USP6NL: variants seen among roughly 807,000 people sequenced by gnomAD.
USP6NL encodes USP6 N-terminal-like protein.
A neutral mutation model predicts 61.9 loss-of-function variants in USP6NL; 26 were observed. The observed-to-expected ratio is 0.42, with a 90% CI of 0.31 to 0.58. USP6NL has a LOEUF of 0.58. Among genes scored for constraint, USP6NL ranks in the 20% least tolerant of loss-of-function variants. USP6NL has a pLI of 0.16. For synonymous variants in USP6NL, 432 were observed against 390.1 expected, an observed-to-expected ratio of 1.11 and a Z score of -1.27; for missense variants, 1,114 against 1,034.3, an observed-to-expected ratio of 1.08 and a Z score of -1.06.
chr10:11,543,347 C>T lies in USP6NL; in HGVS notation c.5-15780G>A, dbSNP rs573880197. Among the ~76,000 whole-genome samples, 96 of 152,206 alleles carry T rather than the reference C, an allele frequency of 6.3e-4. No homozygotes were observed. The Middle Eastern group carries it at 0.01, about 16-fold the overall frequency. On this transcript the variant is annotated intron_variant, in intron 2 of 14. Coordinates refer to ENST00000609104, the MANE Select transcript of USP6NL (RefSeq NM_014688.5). ...ACAAGGTCAGGAGATCGAGGTCATC[C>T]TGGCTAACACGGTGAAACCCCGTCT...
At chr10:11,472,277 C>CCCT (rs1832782821) in intron 14 of USP6NL, among the ~76,000 whole-genome samples, 1 of 152,206 alleles carries the variant, frequency 6.6e-6, no homozygotes, top group Admixed American at 6.5e-5. Context: ...AAGGAAGAGT[C>CCCT]CCTCTCAGGC....
chr10:11,489,060 T>TC lies in USP6NL; in HGVS notation c.664+41dup. 6 of 1,603,622 alleles carry TC rather than the reference T, an allele frequency of 3.7e-6. No homozygotes were observed. Among genetic ancestry groups the TC allele is most frequent in the Non-Finnish European group, 5.1e-6 (6 of 1,173,706 alleles). The stretch of plus-strand genomic sequence containing the variant: ...TTGGTTTTGTTTTAATCTACTTTTT[T>TC]CCCTACCTTGATTGTTTAGATAAAG... On this transcript the variant is annotated intron_variant, in intron 10 of 14. Transcript: ENST00000609104. The surrounding 1 kb of genome is among the most constrained non-coding windows in gnomAD (Gnocchi z 5.7).
intron 14 of USP6NL, among the ~76,000 whole-genome samples, chr10:11,475,840 A>C (rs1009278614): frequency 6.6e-6 from 1 of 152,114 alleles, no homozygotes; most frequent in Non-Finnish European, 1.5e-5. Flanking sequence ...AAAAGATATG[A>C]TTATCGTCAG....
In USP6NL at chr10:11,611,312, C is replaced by T. The variant is rs1363829882; in HGVS notation, c.-84+131G>A. The T allele has an allele frequency of 6.6e-6, 1 of 151,986 alleles. No homozygotes were observed. Among genetic ancestry groups the T allele is most frequent in the East Asian group, 1.9e-4 (1 of 5,164 alleles). The allele number at this position is 151,986 out of a possible 1,614,324, so 9.4% of individuals were successfully genotyped here. A position where few individuals can be genotyped will look rare whatever the true frequency, so the allele number is the denominator to read the frequency against. On this transcript the variant is annotated intron_variant, in intron 1 of 14. Transcript: ENST00000609104. The surrounding 1 kb of genome is among the most constrained non-coding windows in gnomAD (Gnocchi z 5.3). ...CCGAGCCGCGAACCGCAGCCGCGTC[C>T]CCTCCTCCAGGGGCCGGGAATGGCG...
chr10:11,594,273 CAAGAAA>C (rs1020249527), intron 2 of USP6NL, among the ~76,000 whole-genome samples: 1 of 151,900 alleles, frequency 6.6e-6, no homozygotes, highest in African/African-American at 2.4e-5. Context: ...ATCAAATGGA[CAAGAAA>C]AAGAAATGTA....
intron 2 of USP6NL, among the ~76,000 whole-genome samples, chr10:11,569,916 T>C (rs1326227021): frequency 1.3e-5 from 2 of 152,212 alleles, no homozygotes; most frequent in East Asian, 1.9e-4. Context: ...ACACGGATTC[T>C]TCATGTTTGG....
At chr10:11,494,469 C>T (rs750718070) in intron 7 of USP6NL, among the ~76,000 whole-genome samples, 45 of 152,248 alleles carry the variant, frequency 3.0e-4, no homozygotes, top group Non-Finnish European at 5.3e-4. Context: ...GAGTTTCTCC[C>T]CGTGTGTGGC....
intron 1 of USP6NL, among the ~76,000 whole-genome samples, chr10:11,609,487 T>G (rs1282514868): frequency 1.3e-5 from 2 of 152,256 alleles, no homozygotes; most frequent in East Asian, 3.8e-4. Context: ...AGTGAAATTG[T>G]GAACATAAAC....
intron 2 of USP6NL, among the ~76,000 whole-genome samples, chr10:11,546,834 T>C (rs1471000692): frequency 2.0e-5 from 3 of 152,214 alleles, no homozygotes; most frequent in Non-Finnish European, 2.9e-5. Flanking sequence ...TTTTAAACAC[T>C]ATCAAGCAAA....
chr10:11,584,551 C>G (rs868477485), intron 2 of USP6NL, among the ~76,000 whole-genome samples: 3 of 152,160 alleles, frequency 2.0e-5, no homozygotes, highest in East Asian at 1.9e-4. Context: ...ACTCTTCCCC[C>G]CTTTCTGAAA....
chr10:11,572,424 T>G (rs1398098718), intron 2 of USP6NL, among the ~76,000 whole-genome samples: 2 of 151,876 alleles, frequency 1.3e-5, no homozygotes, highest in African/African-American at 4.8e-5. Context: ...ATGACAACAG[T>G]CTCTCTGCTT....
At chr10:11,504,234 T>A (rs1834338601) in intron 6 of USP6NL, among the ~76,000 whole-genome samples, 1 of 152,212 alleles carries the variant, frequency 6.6e-6, no homozygotes, top group Non-Finnish European at 1.5e-5. Context: ...ATATCTTTCT[T>A]CACAAATTTT....
intron 3 of USP6NL, among the ~76,000 whole-genome samples, chr10:11,526,569 T>C (rs1478551109): frequency 6.6e-6 from 1 of 152,200 alleles, no homozygotes; most frequent in African/African-American, 2.4e-5. Flanking sequence ...GTGTTTGATG[T>C]TCCAAAAATG....
Position 11,525,174 on chromosome 10 carries a change from A to G in USP6NL, c.155+212T>C, listed in dbSNP as rs1392442003. 6.6e-6 allele frequency among the ~76,000 whole-genome samples: 1 copy of G among 152,204 alleles called. No homozygotes were observed. Among genetic ancestry groups the G allele is most frequent in the Non-Finnish European group, 1.5e-5 (1 of 68,018 alleles). On this transcript the variant is annotated intron_variant, in intron 4 of 14. Transcript: ENST00000609104. The surrounding 1 kb of genome is among the most constrained non-coding windows in gnomAD (Gnocchi z 5.0). ...ACCTACTGCACTTAATGTTCTTACT[A>G]AATTGCAAAAAATATTAAAAATTAT...
intron 2 of USP6NL, among the ~76,000 whole-genome samples, chr10:11,535,453 G>A (rs1835794393): frequency 6.6e-6 from 1 of 152,192 alleles, no homozygotes; most frequent in Admixed American, 6.5e-5. Flanking sequence ...AATAGGCAAT[G>A]ATGACCAAAG....
intron 2 of USP6NL, among the ~76,000 whole-genome samples, chr10:11,565,886 G>A (rs1329464687): frequency 6.6e-6 from 1 of 151,756 alleles, no homozygotes; most frequent in African/African-American, 2.4e-5. Context: ...ACGTAGTTTT[G>A]ATATTAATAG....
chr10:11,560,131 C>T (rs192427626), intron 2 of USP6NL, among the ~76,000 whole-genome samples: 13 of 152,268 alleles, frequency 8.5e-5, no homozygotes, highest in Admixed American at 6.5e-4. Flanking sequence ...CAAAAAAGCA[C>T]GATACATTGC....
chr10:11,545,030 G>A (rs902151349), intron 2 of USP6NL, among the ~76,000 whole-genome samples: 9 of 152,174 alleles, frequency 5.9e-5, no homozygotes, highest in African/African-American at 2.2e-4. Context: ...TTAAATCTAG[G>A]TGAACAGAAA....
At chr10:11,472,419 C>G (rs1408535944) in intron 14 of USP6NL, among the ~76,000 whole-genome samples, 1 of 152,232 alleles carries the variant, frequency 6.6e-6, no homozygotes, top group Non-Finnish European at 1.5e-5. Flanking sequence ...ACAAGAGGCG[C>G]ATCATTGCAG....
Sources: allele counts gnomAD v4.1 joint callset (sites outside exome capture counted in the v4.1 genomes callset), GRCh38; gene constraint gnomAD v4.1.1; non-coding constraint Gnocchi (gnomAD v3.1); transcripts MANE v1.5; gene names NCBI Gene and HGNC (gene_info 2026-07-23, HGNC 2026-07-21).